Variants in MGAT4C observed in about 807,000 individuals in gnomAD.
MGAT4C encodes the protein MGAT4 family member C, also known as alpha-1,3-mannosyl-glycoprotein 4-beta-N-acetylglucosaminyltransferase C.
MGAT4C carries 19 observed loss-of-function variants against 40.1 expected under a neutral mutation model. That is an observed-to-expected ratio of 0.47 (90% CI 0.33 to 0.70). The LOEUF (loss-of-function observed/expected upper bound fraction) is 0.70. Among genes scored for constraint, MGAT4C ranks in the 30% least tolerant of loss-of-function variants. The pLI, the probability that MGAT4C is intolerant of heterozygous loss-of-function variation, is 0.02. For missense variants in MGAT4C, 491 were observed against 563.2 expected, an observed-to-expected ratio of 0.87 and a Z score of 1.30; for synonymous variants, 181 against 187.1, an observed-to-expected ratio of 0.97 and a Z score of 0.27.
chr12:86,585,864 T>C lies in MGAT4C; in HGVS notation c.-229+141345A>G, dbSNP rs144555940. On this transcript the variant is annotated intron_variant, in intron 2 of 7. Transcript: ENST00000548651. ...TTTAACTGAAGGTGATGATTATGAC[T>C]AATACTTTTTAAGCCCTTTCATGCA... 4.6e-3 allele frequency among the ~76,000 whole-genome samples: 691 copies of C among 151,362 alleles called. 7 individuals are homozygous for C. The highest frequency in any genetic ancestry group is 0.014 in the South Asian group (68 of 4,808).
intron 1 of MGAT4C, among the ~76,000 whole-genome samples, chr12:86,207,634 C>T (rs1216853288): frequency 6.6e-6 from 1 of 152,132 alleles, no homozygotes; most frequent in African/African-American, 2.4e-5. Flanking sequence ...ACTTATATAG[C>T]ATATACTATA....
intron 4 of MGAT4C, among the ~76,000 whole-genome samples, chr12:86,307,684 C>A (rs1303071453): frequency 6.7e-6 from 1 of 149,938 alleles, no homozygotes; most frequent in Non-Finnish European, 1.5e-5. Context: ...TGTTTGAGTA[C>A]AATTTCTTTC....
At chr12:86,633,242 T>C (rs975702982) in intron 2 of MGAT4C, among the ~76,000 whole-genome samples, 1 of 152,062 alleles carries the variant, frequency 6.6e-6, no homozygotes, top group African/African-American at 2.4e-5. Context: ...ATCTATATTA[T>C]TGTTTTAAAA....
chr12:86,502,093 A>C (rs531309498), intron 2 of MGAT4C, among the ~76,000 whole-genome samples: 5 of 152,258 alleles, frequency 3.3e-5, no homozygotes, highest in Admixed American at 3.3e-4. Flanking sequence ...TGTCCTTCAA[A>C]AGGTAAATGA....
At chr12:86,635,975 C>A (rs1050131026) in intron 2 of MGAT4C, among the ~76,000 whole-genome samples, 1 of 151,910 alleles carries the variant, frequency 6.6e-6, no homozygotes, top group Non-Finnish European at 1.5e-5. Flanking sequence ...AGCCACCATA[C>A]CCTGTTCCTT....
chr12:86,553,362 C>G (rs565586229), intron 2 of MGAT4C, among the ~76,000 whole-genome samples: 1 of 152,086 alleles, frequency 6.6e-6, no homozygotes, highest in African/African-American at 2.4e-5. Context: ...TTTAAACTCA[C>G]ACCTACTCTA....
At chr12:86,002,501 G>C (rs553024495) in intron 2 of MGAT4C, 1 of 152,024 alleles carries the variant, frequency 6.6e-6, no homozygotes, top group South Asian at 2.1e-4. Context: ...GGAAATAAGA[G>C]AGTATTACTG....
rs377167718 is a variant in MGAT4C at position 86,399,442 on chromosome 12, C to T, written c.-120+35715G>A. 5.4e-3 allele frequency among the ~76,000 whole-genome samples: 824 copies of T among 151,760 alleles called. 7 individuals are homozygous for T. The highest frequency in any genetic ancestry group is 0.019 in the African/African-American group (777 of 41,344). On this transcript the variant is annotated intron_variant, in intron 3 of 7. Transcript: ENST00000548651. ...GACTACAGGCGCCCGCCACCACACC[C>T]GGCTAATTTTTTGTATTTTTAGTAG...
At chr12:86,801,730 T>C (rs1952229412) in intron 1 of MGAT4C, among the ~76,000 whole-genome samples, 1 of 151,888 alleles carries the variant, frequency 6.6e-6, no homozygotes, top group Non-Finnish European at 1.5e-5. Context: ...GTATTACCTT[T>C]CGAATGGAAT....
chr12:86,596,535 C>T (rs1961544955), intron 2 of MGAT4C, among the ~76,000 whole-genome samples: 2 of 152,152 alleles, frequency 1.3e-5, no homozygotes, highest in African/African-American at 2.4e-5. Flanking sequence ...ATAGATAAAT[C>T]GGTTTTGTAA....
At chr12:86,053,862 C>T (rs1893127493) in intron 1 of MGAT4C, among the ~76,000 whole-genome samples, 1 of 151,886 alleles carries the variant, frequency 6.6e-6, no homozygotes, top group African/African-American at 2.4e-5. Flanking sequence ...TCACTCATTA[C>T]CAGAGAAATG....
intron 1 of MGAT4C, among the ~76,000 whole-genome samples, chr12:86,169,185 G>T (rs963823500): frequency 6.6e-6 from 1 of 152,104 alleles, no homozygotes; most frequent in African/African-American, 2.4e-5. Flanking sequence ...GAACTATTAA[G>T]TCTTGACACC....
intron 2 of MGAT4C, among the ~76,000 whole-genome samples, chr12:86,641,893 A>T (rs1331336473): frequency 1.3e-5 from 2 of 151,922 alleles, no homozygotes. Context: ...CAATTGTTCT[A>T]TAAATGCTCA....
At chr12:86,567,336 G>A (rs556029296) in intron 2 of MGAT4C, among the ~76,000 whole-genome samples, 21 of 152,098 alleles carry the variant, frequency 1.4e-4, no homozygotes, top group Admixed American at 3.9e-4. Flanking sequence ...ACACAACAAT[G>A]ACTTCATTAA....
At chr12:86,631,803 T>C (rs1963054354) in intron 2 of MGAT4C, among the ~76,000 whole-genome samples, 1 of 152,032 alleles carries the variant, frequency 6.6e-6, no homozygotes, top group African/African-American at 2.4e-5. Flanking sequence ...ATAAAAACCC[T>C]AGAAGAAAAC....
At chr12:86,785,039 A>G (rs931223571) in intron 1 of MGAT4C, among the ~76,000 whole-genome samples, 3 of 151,954 alleles carry the variant, frequency 2.0e-5, no homozygotes, top group African/African-American at 7.2e-5. Context: ...TTAACTGCTA[A>G]AAAAATTCTT....
intron 1 of MGAT4C, among the ~76,000 whole-genome samples, chr12:86,158,802 G>GT (rs1885271133): frequency 6.6e-6 from 1 of 152,104 alleles, no homozygotes; most frequent in South Asian, 2.1e-4. Context: ...TGTGGCTATT[G>GT]TAAGTGGGAT....
At chr12:86,200,852 C>A (rs1372383413) in intron 1 of MGAT4C, among the ~76,000 whole-genome samples, 1 of 152,108 alleles carries the variant, frequency 6.6e-6, no homozygotes, top group Non-Finnish European at 1.5e-5. Flanking sequence ...TCTAATAAAA[C>A]TTGTTTCCTC....
chr12:86,118,343 G>A (rs1322513653), intron 1 of MGAT4C, among the ~76,000 whole-genome samples: 1 of 151,954 alleles, frequency 6.6e-6, no homozygotes, highest in Non-Finnish European at 1.5e-5. Flanking sequence ...AAAAAATTCT[G>A]GGAGGGAGGC....
Sources: gnomAD v4.1 joint callset for allele counts (sites outside exome capture counted in the v4.1 genomes callset) on GRCh38, gnomAD v4.1.1 for gene constraint, MANE v1.5 for transcripts, NCBI Gene and HGNC (gene_info 2026-07-23, HGNC 2026-07-21) for gene names.